Variants in ERBB4 observed in about 807,000 individuals in gnomAD.
The protein encoded by ERBB4 is erb-b2 receptor tyrosine kinase 4.
Under a neutral mutation model 158.0 loss-of-function variants are expected in ERBB4, and 42 were observed. The observed-to-expected ratio is 0.27, with a 90% CI of 0.21 to 0.34. The LOEUF is 0.34. Among genes scored for constraint, ERBB4 ranks in the 10% least tolerant of loss-of-function variants. The pLI is 1.00. For missense variants in ERBB4, 1,333 were observed against 1,624.1 expected (o/e 0.82, Z 3.08); for synonymous variants, 583 against 558.7 (o/e 1.04, Z -0.61).
In ERBB4 at chr2:211,913,619, A is replaced by ATGTGTGTGTG. The variant is rs34762084; in HGVS notation, c.421+33801_421+33810dup. Among the ~76,000 whole-genome samples, 376 of 132,804 alleles carry ATGTGTGTGTG rather than the reference A, an allele frequency of 2.8e-3. 2 individuals are homozygous for ATGTGTGTGTG. The highest frequency in any genetic ancestry group is 0.01 in the African/African-American group (359 of 34,768). The allele number at this position is 132,804 out of a possible 152,430, so 87.1% of individuals were successfully genotyped here. A position where few individuals can be genotyped will look rare whatever the true frequency, so the allele number is the denominator to read the frequency against. On this transcript the variant is annotated intron_variant, in intron 3 of 27. Coordinates refer to ENST00000342788, the MANE Select transcript of ERBB4 (RefSeq NM_005235.3). ...CTATTTCAAAAAAATATATATATAT[A>ATGTGTGTGTG]TGTGTGTGTGTGTGTGTGTGTGTGT...
rs371196853 is a variant in ERBB4 at position 212,155,298 on chromosome 2, A to T, written c.83-30395T>A. Among the ~76,000 whole-genome samples, 6 of 152,062 alleles carry T rather than the reference A, an allele frequency of 3.9e-5. No individual in the cohort carries two copies. The East Asian group carries it at 1.2e-3, about 29-fold the overall frequency. On this transcript the variant is annotated intron_variant, in intron 1 of 27. Coordinates refer to ENST00000342788, the MANE Select transcript of ERBB4 (RefSeq NM_005235.3). ...TATAACATATATTTATTTAAATAAT[A>T]ATTATTATAAAAAAGTTCAAAAGTT...
intron 16 of ERBB4, among the ~76,000 whole-genome samples, chr2:211,635,956 T>C (rs1164705268): frequency 6.6e-6 from 1 of 152,066 alleles, no homozygotes. Flanking sequence ...ATTCATAGTA[T>C]TGACTATGAA....
chr2:211,880,758 T>C (rs1331344782), intron 3 of ERBB4, among the ~76,000 whole-genome samples: 1 of 150,736 alleles, frequency 6.6e-6, no homozygotes, highest in Non-Finnish European at 1.5e-5. Flanking sequence ...AAAAAGTTCA[T>C]GGGGAAAATG....
At position 211,772,951 on chromosome 2, in the gene ERBB4, A is replaced by ATTT. The variant is rs1454332286; in HGVS notation, c.556+15073_556+15074insAAA. Among the ~76,000 whole-genome samples, 267 of 71,796 alleles carry ATTT rather than the reference A, an allele frequency of 3.7e-3. 20 individuals carry two copies. The highest frequency in any genetic ancestry group is 0.015 in the African/African-American group (250 of 16,480). 47.1% of individuals were successfully genotyped at this position (71,796 alleles called of 152,430 possible). On this transcript the variant is annotated intron_variant, in intron 4 of 27. Transcript: ENST00000342788. ...TATATATATATATATATATATATAT[A>ATTT]TATATTTTTTTTTTTAAAGATGGGG...
chr2:211,529,466 T>G (rs934825252), intron 20 of ERBB4, among the ~76,000 whole-genome samples: 4 of 152,046 alleles, frequency 2.6e-5, no homozygotes, highest in African/African-American at 9.7e-5. Context: ...TTCCAAAAAC[T>G]GCAGGAGGAG....
chr2:212,379,055 T>C (rs1199038897), intron 1 of ERBB4, among the ~76,000 whole-genome samples: 2 of 151,796 alleles, frequency 1.3e-5, no homozygotes, highest in Admixed American at 6.6e-5. Flanking sequence ...TACCACTTAG[T>C]TTCATGAGTA....
intron 2 of ERBB4, among the ~76,000 whole-genome samples, chr2:212,068,790 A>G (rs752503521): frequency 6.6e-6 from 1 of 152,156 alleles, no homozygotes; most frequent in Non-Finnish European, 1.5e-5. Flanking sequence ...CAATTTTAGA[A>G]TCACAAATAA....
At chr2:212,057,631 C>G (rs1045440729) in intron 2 of ERBB4, among the ~76,000 whole-genome samples, 5 of 152,224 alleles carry the variant, frequency 3.3e-5, no homozygotes, top group Admixed American at 2.6e-4. Context: ...GAAACTCCCT[C>G]AAAACTGCTC....
chr2:212,305,156 A>G (rs1010798646), intron 1 of ERBB4, among the ~76,000 whole-genome samples: 2 of 151,444 alleles, frequency 1.3e-5, no homozygotes, highest in Non-Finnish European at 3.0e-5. Context: ...AGATACAATA[A>G]TAACTAAGAC....
intron 1 of ERBB4, among the ~76,000 whole-genome samples, chr2:212,499,138 T>C (rs904168883): frequency 1.3e-5 from 2 of 152,016 alleles, no homozygotes; most frequent in African/African-American, 2.4e-5. Flanking sequence ...AAGTAATCAG[T>C]TGTTAATTGG....
At chr2:211,465,256 A>G (rs1266903763) in intron 20 of ERBB4, among the ~76,000 whole-genome samples, 2 of 152,126 alleles carry the variant, frequency 1.3e-5, no homozygotes, top group Non-Finnish European at 2.9e-5. Flanking sequence ...GCTATCTTGA[A>G]TATTTTGACC....
chr2:211,767,694 G>C (rs1233211510), intron 4 of ERBB4, among the ~76,000 whole-genome samples: 3 of 152,126 alleles, frequency 2.0e-5, no homozygotes, highest in Non-Finnish European at 4.4e-5. Context: ...ATCAGATCTT[G>C]TAAGAACTCA....
intron 1 of ERBB4, among the ~76,000 whole-genome samples, chr2:212,127,458 G>A (rs1468163149): frequency 6.6e-6 from 1 of 152,126 alleles, no homozygotes; most frequent in Non-Finnish European, 1.5e-5. Flanking sequence ...CGGGCCTGGT[G>A]GCGGGTGCCT....
At chr2:212,125,124 G>C in intron 1 of ERBB4, 1 of 545,958 alleles carries the variant, frequency 1.8e-6, no homozygotes, top group Non-Finnish European at 3.3e-6. Context: ...GGAAGGCATA[G>C]ATTCCACAGA....
chr2:212,374,391 C>A (rs912298325), intron 1 of ERBB4, among the ~76,000 whole-genome samples: 5 of 151,634 alleles, frequency 3.3e-5, no homozygotes, highest in Admixed American at 1.3e-4. Flanking sequence ...AGTATAGCAA[C>A]AATAACAACA....
chr2:212,065,700 T>C (rs765600068), intron 2 of ERBB4, among the ~76,000 whole-genome samples: 12 of 152,026 alleles, frequency 7.9e-5, no homozygotes, highest in Non-Finnish European at 1.5e-4. Flanking sequence ...ACAGATTACA[T>C]GTCATTAAGA....
intron 16 of ERBB4, among the ~76,000 whole-genome samples, chr2:211,644,416 C>T (rs1013993514): frequency 4.0e-5 from 6 of 151,354 alleles, no homozygotes; most frequent in Non-Finnish European, 8.9e-5. Context: ...TCGGCAGATG[C>T]TCTGAATACA....
At chr2:211,449,772 G>A (rs1316520028) in intron 20 of ERBB4, among the ~76,000 whole-genome samples, 1 of 152,164 alleles carries the variant, frequency 6.6e-6, no homozygotes, top group East Asian at 1.9e-4. Flanking sequence ...GCCTAGGGAA[G>A]GATAACTTGA....
intron 3 of ERBB4, among the ~76,000 whole-genome samples, chr2:211,939,361 T>C (rs907743150): frequency 1.3e-5 from 2 of 151,930 alleles, no homozygotes; most frequent in African/African-American, 4.8e-5. Flanking sequence ...ATCTGCCAGG[T>C]CAGCATTACA....
Sources: allele counts gnomAD v4.1 joint callset (sites outside exome capture counted in the v4.1 genomes callset), GRCh38; gene constraint gnomAD v4.1.1; transcripts MANE v1.5; gene names NCBI Gene and HGNC (gene_info 2026-07-23, HGNC 2026-07-21).